SH3RF2: variants seen among roughly 807,000 people sequenced by gnomAD.
SH3RF2 encodes SH3 domain containing ring finger 2, also known as E3 ubiquitin-protein ligase SH3RF2.
Under a neutral mutation model 59.0 loss-of-function variants are expected in SH3RF2, and 43 were observed. The observed-to-expected ratio is 0.73, with a 90% confidence interval of 0.57 to 0.94. SH3RF2 has a LOEUF of 0.94. SH3RF2 is among the 40% of genes least tolerant of loss of function. The pLI is 0.00. For missense variants in SH3RF2, 930 were observed against 940.1 expected, an observed-to-expected ratio of 0.99 and a Z score of 0.14; for synonymous variants, 391 against 391.5, an observed-to-expected ratio of 1.00 and a Z score of 0.01.
chr5:145,949,820 G>GA (rs75518736), intron 2 of SH3RF2, among the ~76,000 whole-genome samples: 18,869 of 152,240 alleles, frequency 0.12, 1,366 homozygotes, highest in East Asian at 0.27. Context: ...GTATTCGAAA[G>GA]AAAAATAATT....
chr5:145,996,637 C>T (rs1760164710), intron 2 of SH3RF2, among the ~76,000 whole-genome samples: 1 of 152,134 alleles, frequency 6.6e-6, no homozygotes, highest in Non-Finnish European at 1.5e-5. Context: ...GATTAAGTAA[C>T]TTAGCCATGA....
intron 9 of SH3RF2, among the ~76,000 whole-genome samples, chr5:146,069,922 T>C (rs528644656): frequency 6.7e-6 from 1 of 150,246 alleles, no homozygotes; most frequent in East Asian, 2.0e-4. Flanking sequence ...AAACTGAGAC[T>C]CAGAATGTTT....
At chr5:146,065,161 A>G (rs10057143), downstream of SH3RF2, among the ~76,000 whole-genome samples, 3,615 of 152,298 alleles carry the variant, frequency 0.024, 147 homozygotes, top group African/African-American at 0.083. Flanking sequence ...CACATCTCAC[A>G]AACTTTGGGT....
chr5:146,039,314 C>A (rs1762048098), intron 5 of SH3RF2, among the ~76,000 whole-genome samples: 1 of 152,042 alleles, frequency 6.6e-6, no homozygotes, highest in African/African-American at 2.4e-5. Flanking sequence ...AAAATCAGAA[C>A]TTCAGTTCAT....
At chr5:146,003,556 C>T (rs1760512894) in intron 3 of SH3RF2, among the ~76,000 whole-genome samples, 1 of 152,064 alleles carries the variant, frequency 6.6e-6, no homozygotes, top group Non-Finnish European at 1.5e-5. Context: ...CCTTGTTTTG[C>T]TTATCTGTAT....
chr5:145,999,929 T>C (rs538194217), intron 2 of SH3RF2, 129 bp from the exon 3 acceptor site: 2 of 1,089,694 alleles, frequency 1.8e-6, no homozygotes, highest in Middle Eastern at 2.9e-4. Flanking sequence ...CATAAACCTT[T>C]GATTTGTAAA....
At chr5:146,064,664 GAGAAAGAAAGAAAGAAAGAAAGAA>G (rs869196873), downstream of SH3RF2, among the ~76,000 whole-genome samples, 87 of 4,242 alleles carry the variant, frequency 0.021, 2 homozygotes, top group Admixed American at 0.036. Context: ...GAGAGAGAAA[GAGAAAGAAAGAAAGAAAGAAAGAA>G]AGAAAGAAAG....
At chr5:145,950,818 G>A (rs1364869679) in intron 2 of SH3RF2, among the ~76,000 whole-genome samples, 1 of 152,204 alleles carries the variant, frequency 6.6e-6, no homozygotes, top group African/African-American at 2.4e-5. Context: ...AACCCATTAT[G>A]TGCACAGGCA....
chr5:146,045,204 A>G (rs542483691), intron 5 of SH3RF2, among the ~76,000 whole-genome samples: 9 of 152,196 alleles, frequency 5.9e-5, no homozygotes, highest in African/African-American at 2.2e-4. Flanking sequence ...GCTCCTTGTC[A>G]TGTCTGTTTG....
rs185777658 is a variant in SH3RF2, at chr5:146,011,205, C to T, written c.745-2542C>T. Reference sequence around the variant, plus strand: ...AGATGGTTGTAGATGTGTGGTGTTACTTCTGAGGCCTCTGTTCTGTTCCAT... The same window carrying T: ...AGATGGTTGTAGATGTGTGGTGTTATTTCTGAGGCCTCTGTTCTGTTCCAT... On this transcript the variant is annotated intron_variant, in intron 4 of 9. Transcript: ENST00000359120. Among the ~76,000 whole-genome samples, 457 of 152,172 alleles carry T rather than the reference C, an allele frequency of 3.0e-3. 3 individuals are homozygous for T. Among genetic ancestry groups the T allele is most frequent in the African/African-American group, 0.01 (431 of 41,522 alleles).
At chr5:146,076,872 C>T (rs3797626) in intron 9 of SH3RF2, among the ~76,000 whole-genome samples, 366 of 152,030 alleles carry the variant, frequency 2.4e-3, no homozygotes, top group African/African-American at 8.4e-3. Context: ...TTCCACAAAC[C>T]GCTTGTAAGA....
intron 2 of SH3RF2, 120 bp from the exon 3 acceptor site, chr5:145,999,938 A>G: frequency 8.2e-7 from 1 of 1,224,826 alleles, no homozygotes; most frequent in South Asian, 1.5e-5. Context: ...TTGATTTGTA[A>G]AAAACTCAGT....
At chr5:145,967,326 T>C (rs1758896966) in intron 2 of SH3RF2, among the ~76,000 whole-genome samples, 1 of 152,162 alleles carries the variant, frequency 6.6e-6, no homozygotes, top group Admixed American at 6.5e-5. Context: ...TCTCTGACTA[T>C]TGGCTAAGCA....
intron 5 of SH3RF2, among the ~76,000 whole-genome samples, chr5:146,024,979 C>T (rs1309716692): frequency 6.6e-6 from 1 of 152,158 alleles, no homozygotes; most frequent in South Asian, 2.1e-4. Context: ...AGCCTTTTAC[C>T]GGGTGGTTTG....
intron 4 of SH3RF2, among the ~76,000 whole-genome samples, chr5:146,007,655 A>G (rs1760704693): frequency 1.3e-5 from 2 of 152,128 alleles, no homozygotes; most frequent in African/African-American, 4.8e-5. Flanking sequence ...CCATTTCCCA[A>G]AACTTCTCCA....
intron 8 of SH3RF2, among the ~76,000 whole-genome samples, chr5:146,059,011 T>C (rs893427578): frequency 6.6e-6 from 1 of 152,178 alleles, no homozygotes; most frequent in South Asian, 2.1e-4. Context: ...TTTATCATAT[T>C]CCAGGCACTA....
chr5:146,014,813 C>G (rs1761043326), intron 5 of SH3RF2, among the ~76,000 whole-genome samples: 1 of 152,174 alleles, frequency 6.6e-6, no homozygotes, highest in South Asian at 2.1e-4. Flanking sequence ...CTATTGTTAA[C>G]CCTGGTCACT....
chr5:145,999,023 A>AC (rs113856985), intron 2 of SH3RF2, among the ~76,000 whole-genome samples: 83,727 of 150,430 alleles, frequency 0.56, 23,734 homozygotes, highest in South Asian at 0.78. Context: ...ATACTTTATT[A>AC]CTAAAAAAAA....
At chr5:145,999,367 T>C (rs1254684580) in intron 2 of SH3RF2, among the ~76,000 whole-genome samples, 2 of 152,258 alleles carry the variant, frequency 1.3e-5, no homozygotes, top group Non-Finnish European at 2.9e-5. Flanking sequence ...TTATCATTTA[T>C]GTATTCACTG....
Sources: allele counts gnomAD v4.1 joint callset (sites outside exome capture counted in the v4.1 genomes callset), GRCh38; gene constraint gnomAD v4.1.1; transcripts MANE v1.5; gene names NCBI Gene and HGNC (gene_info 2026-07-23, HGNC 2026-07-21).